POFUT1: variants seen among roughly 807,000 people sequenced by gnomAD.
POFUT1 encodes the protein GDP-fucose protein O-fucosyltransferase 1.
POFUT1 carries 16 observed loss-of-function variants against 42.4 expected under a neutral mutation model. That is an observed-to-expected ratio of 0.38 (90% CI 0.26 to 0.57). POFUT1 has a LOEUF of 0.57. Ranked by LOEUF, POFUT1 falls within the 20% of genes least tolerant of loss-of-function variation. POFUT1 has a pLI of 0.71. For synonymous variants in POFUT1, 206 were observed against 205.4 expected (o/e 1.00, Z -0.03); for missense variants, 470 against 504.6 (o/e 0.93, Z 0.66).
At chr20:32,212,155 A>G (rs1019934631) in intron 2 of POFUT1, among the ~76,000 whole-genome samples, 1 of 152,100 alleles carries the variant, frequency 6.6e-6, no homozygotes, top group African/African-American at 2.4e-5. Context: ...TATTATTACC[A>G]TTACTTGCTT....
chr20:32,217,081 A>G, intron 4 of POFUT1: 1 of 1,612,374 alleles, frequency 6.2e-7, no homozygotes. Flanking sequence ...GAACAGCTTC[A>G]GGTGCAGACC....
rs781498319 is a variant in POFUT1, at chr20:32,215,276, T to C, written c.254T>C (p.Val85Ala). 2 of 1,609,256 alleles carry C rather than the reference T, an allele frequency of 1.2e-6. No individual in the cohort carries two copies. The highest frequency in any genetic ancestry group is 1.3e-5 in the African/African-American group (1 of 74,962). The change falls in exon 3 of 7, where the codon GTG becomes GCG. Residue 85 changes from valine (V) to alanine (A), a missense_variant. By Grantham distance (64) the Val-to-Ala change is moderately conservative (BLOSUM62 0). Coordinates refer to ENST00000375749, the MANE Select transcript of POFUT1 (RefSeq NM_015352.2). ...CTCCTCCTTTTCCTGTAGCTCCATG[T>C]GTCCTACCAGAAGTACTTCAAGCTG... The part of the protein sequence containing the change: ...HHKPPFTNLH[V>A]SYQKYFKLEP...
At position 32,207,956 on chromosome 20, in the gene POFUT1, G is replaced by A; in HGVS notation, c.15G>A (p.Ala5=). Residue 5 remains alanine, a synonymous_variant, in exon 1 of 7, where the codon GCG becomes GCA. Coordinates refer to ENST00000375749, the MANE Select transcript of POFUT1 (RefSeq NM_015352.2). ...CCCGGGCCGACATGGGCGCCGCCGC[G>A]TGGGCACGGCCGCTGAGCGTGTCTT... is the stretch of plus-strand genomic sequence containing the variant. The part of the protein sequence containing the change: MGAA[A]WARPLSVSFL... 1 of 1,589,582 alleles carries A rather than the reference G, an allele frequency of 6.3e-7. No individual in the cohort carries two copies.
chr20:32,212,360 C>T (rs938707853), intron 2 of POFUT1, among the ~76,000 whole-genome samples: 2 of 151,828 alleles, frequency 1.3e-5, no homozygotes, highest in African/African-American at 4.8e-5. Flanking sequence ...CAGCCTCCAT[C>T]TCCTCAAGCA....
chr20:32,230,861 C>G lies in POFUT1; in HGVS notation c.778C>G (p.His260Asp). 1 of 1,614,116 alleles carries G rather than the reference C, an allele frequency of 6.2e-7. No homozygotes were observed. Among genetic ancestry groups the G allele is most frequent in the African/African-American group, 1.3e-5 (1 of 75,056 alleles). ...AMLKDGTAGS[H>D]FMASPQCVGY... is the part of the protein sequence containing the mutation. Reference sequence around the variant, plus strand: ...GCTGAAGGACGGGACTGCAGGCTCGCACTTCATGGCCTCTCCGCAGTGTGT... The same window carrying G: ...GCTGAAGGACGGGACTGCAGGCTCGGACTTCATGGCCTCTCCGCAGTGTGT... Residue 260 changes from histidine (H) to aspartate (D), a missense_variant, in exon 6 of 7, where the codon CAC becomes GAC. Transcript: ENST00000375749.
chr20:32,208,162 A>G, intron 1 of POFUT1, 97 bp downstream of exon 1: 1 of 1,255,496 alleles, frequency 8.0e-7, no homozygotes, highest in Non-Finnish European at 1.1e-6. Context: ...TCACAGGTCC[A>G]GGAGAGAACC....
At chr20:32,230,295 G>C (rs1357368765) in intron 5 of POFUT1, among the ~76,000 whole-genome samples, 1 of 151,748 alleles carries the variant, frequency 6.6e-6, no homozygotes, top group Non-Finnish European at 1.5e-5. Flanking sequence ...GCTGAGGCAG[G>C]AGAATGGCGT....
intron 5 of POFUT1, 95 bp from the exon 6 acceptor site, chr20:32,230,723 CT>C: frequency 7.7e-7 from 1 of 1,307,120 alleles, no homozygotes. Context: ...TAGTTAGGTT[CT>C]TCCTGTATAG....
intron 2 of POFUT1, among the ~76,000 whole-genome samples, chr20:32,212,587 G>A (rs996529337): frequency 5.3e-5 from 8 of 151,764 alleles, no homozygotes; most frequent in Admixed American, 1.3e-4. Context: ...GGTTTTGTTT[G>A]TTTTTCATTT....
intron 4 of POFUT1, chr20:32,217,034 T>G: frequency 6.2e-7 from 1 of 1,614,028 alleles, no homozygotes; most frequent in Non-Finnish European, 8.5e-7. Context: ...TGTGTTACCT[T>G]ACTCTTCCCA....
chr20:32,229,725 G>A (rs867557942), intron 5 of POFUT1, among the ~76,000 whole-genome samples: 41 of 152,078 alleles, frequency 2.7e-4, no homozygotes, highest in African/African-American at 8.7e-4. Flanking sequence ...CAGGCTTTCT[G>A]TGCTGTGCCC....
At chr20:32,219,944 G>A (rs962179985) in intron 4 of POFUT1, among the ~76,000 whole-genome samples, 3 of 152,124 alleles carry the variant, frequency 2.0e-5, no homozygotes, top group South Asian at 2.1e-4. Context: ...TTCTTGGAAC[G>A]AATAACCTTT....
rs536426284 is a variant in POFUT1 at position 32,236,509 on chromosome 20, T to C, written c.*1848T>C. ...CAGCTCCAAATCACCTTGATTCATA[T>C]CAGCAGTAATAATCACTTGTGTTCT... On this transcript the variant is annotated 3_prime_UTR_variant, in exon 7 of 7. Coordinates refer to ENST00000375749, the MANE Select transcript of POFUT1 (RefSeq NM_015352.2). 3.9e-5 allele frequency: 6 copies of C among 152,298 alleles called. No individual in the cohort carries two copies. In the East Asian group the frequency reaches 1.2e-3, roughly 29 times the overall value. 9.4% of individuals were successfully genotyped at this position (152,298 alleles called of 1,614,324 possible).
chr20:32,222,229 G>A lies in POFUT1; in HGVS notation c.542+5508G>A, dbSNP rs150232851. ...AAGGCAGGAGAATCACTTGAACCTG[G>A]GAGGCGGAGGTTGCAGTGAGCGGAG... is the stretch of plus-strand genomic sequence containing the variant. On this transcript the variant is annotated intron_variant, in intron 4 of 6. Transcript: ENST00000375749. Among the ~76,000 whole-genome samples, 1,168 of 152,288 alleles carry A rather than the reference G, an allele frequency of 7.7e-3. 14 individuals are homozygous for A. The highest frequency in any genetic ancestry group is 0.01 in the Non-Finnish European group (694 of 68,024).
At chr20:32,217,444 A>G (rs1359390991) in intron 4 of POFUT1, 2 of 1,006,980 alleles carry the variant, frequency 2.0e-6, no homozygotes, top group Non-Finnish European at 2.4e-6. Context: ...CTTGGCATTT[A>G]ATAGGGCAAA....
In POFUT1 at chr20:32,215,267, A is replaced by G; in HGVS notation, c.247-2A>G. 1 of 1,605,916 alleles carries G rather than the reference A, an allele frequency of 6.2e-7. No homozygotes were observed. Among genetic ancestry groups the G allele is most frequent in the Non-Finnish European group, 8.5e-7 (1 of 1,173,204 alleles). On this transcript the variant is annotated splice_acceptor_variant, in intron 2 of 6. Coordinates refer to ENST00000375749, the MANE Select transcript of POFUT1 (RefSeq NM_015352.2). LOFTEE classifies it high-confidence loss of function. The stretch of plus-strand genomic sequence containing the variant: ...GGACCTCTGCTCCTCCTTTTCCTGT[A>G]GCTCCATGTGTCCTACCAGAAGTAC...
At chr20:32,221,061 C>T (rs1382881332) in intron 4 of POFUT1, among the ~76,000 whole-genome samples, 1 of 152,168 alleles carries the variant, frequency 6.6e-6, no homozygotes, top group East Asian at 1.9e-4. Flanking sequence ...GGTTCAAAGA[C>T]TTGACCACTT....
At chr20:32,226,452 CTGTGTG>C (rs33999719) in intron 4 of POFUT1, among the ~76,000 whole-genome samples, 19 of 147,624 alleles carry the variant, frequency 1.3e-4, no homozygotes, top group Admixed American at 2.0e-4. Context: ...GAGTGCATGC[CTGTGTG>C]TGTGTGTGTG....
At chr20:32,222,629 T>C (rs911455227) in intron 4 of POFUT1, 1 of 985,316 alleles carries the variant, frequency 1.0e-6, no homozygotes, top group African/African-American at 1.7e-5. Context: ...TGTCTTTATT[T>C]TAGGCTGCCA....
Sources: allele counts gnomAD v4.1 joint callset (sites outside exome capture counted in the v4.1 genomes callset), GRCh38; gene constraint gnomAD v4.1.1; transcripts MANE v1.5; gene names NCBI Gene and HGNC (gene_info 2026-07-23, HGNC 2026-07-21).